The following OCA2 variants were observed in gnomAD, a reference collection of about 807,000 sequenced individuals.
OCA2 encodes the protein P protein.
Under a neutral mutation model 100.2 loss-of-function variants are expected in OCA2, and 77 were observed. The observed-to-expected ratio is 0.77, with a 90% CI of 0.64 to 0.93. OCA2 has a LOEUF of 0.93. OCA2 is among the 40% of genes least tolerant of loss of function. The pLI is 0.00. For missense variants in OCA2, 1,062 were observed against 1,089.1 expected, an observed-to-expected ratio of 0.98 and a Z score of 0.35; for synonymous variants, 432 against 439.2, an observed-to-expected ratio of 0.98 and a Z score of 0.21.
intron 23 of OCA2, among the ~76,000 whole-genome samples, chr15:27,789,991 G>GA (rs2033005302): frequency 1.3e-5 from 2 of 152,040 alleles, no homozygotes; most frequent in African/African-American, 4.8e-5. Flanking sequence ...TATACTATTA[G>GA]AAAAATGAAG....
downstream of OCA2, among the ~76,000 whole-genome samples, chr15:27,752,014 C>A (rs1179167118): frequency 6.6e-6 from 1 of 152,234 alleles, no homozygotes; most frequent in African/African-American, 2.4e-5. Context: ...TGGGCCCCAG[C>A]AGATCTGGAA....
Position 27,913,858 on chromosome 15 carries a change from A to G in OCA2, c.2079+12269T>C, listed in dbSNP as rs201109470. On this transcript the variant is annotated intron_variant, in intron 19 of 23. Coordinates refer to ENST00000354638, the MANE Select transcript of OCA2 (RefSeq NM_000275.3). ...AGAAAGGAAAGAAAGAAAGAAAGAA[A>G]GAAAGAAAGAAAGAAAGAAAGAAAG... Among the ~76,000 whole-genome samples, 244 of 44,772 alleles carry G rather than the reference A, an allele frequency of 5.4e-3. 20 individuals carry two copies. In the East Asian group the frequency reaches 0.32, roughly 59 times the overall value. The allele number at this position is 44,772 out of a possible 152,430, so 29.4% of individuals were successfully genotyped here. A position where few individuals can be genotyped will look rare whatever the true frequency, so the allele number is the denominator to read the frequency against.
At chr15:27,988,973 C>T (rs2041454253) in intron 11 of OCA2, among the ~76,000 whole-genome samples, 1 of 152,180 alleles carries the variant, frequency 6.6e-6, no homozygotes, top group Admixed American at 6.5e-5. Context: ...GTACACAGAG[C>T]AAGTCTTCTA....
At chr15:27,968,404 T>G (rs937216747) in intron 14 of OCA2, among the ~76,000 whole-genome samples, 3 of 152,164 alleles carry the variant, frequency 2.0e-5, no homozygotes, top group Non-Finnish European at 2.9e-5. Flanking sequence ...TTGGGACCCT[T>G]AGGAACCTCT....
chr15:27,771,695 ATTTTT>A (rs534942092), intron 23 of OCA2, among the ~76,000 whole-genome samples: 1 of 152,056 alleles, frequency 6.6e-6, no homozygotes, highest in African/African-American at 2.4e-5. Context: ...TGAAATCTGT[ATTTTT>A]TTTATCAGCA....
At chr15:27,956,298 G>A (rs943853636) in intron 16 of OCA2, among the ~76,000 whole-genome samples, 2 of 152,158 alleles carry the variant, frequency 1.3e-5, no homozygotes, top group Admixed American at 6.5e-5. Context: ...GCAGTGAGCC[G>A]AGATCATGCC....
At chr15:28,090,245 T>C (rs564060262) in intron 1 of OCA2, among the ~76,000 whole-genome samples, 10 of 152,358 alleles carry the variant, frequency 6.6e-5, no homozygotes, top group Non-Finnish European at 1.2e-4. Context: ...ATTTATAGTA[T>C]AGTTTTATAG....
At chr15:27,928,891 T>TAAA (rs1050580562) in intron 18 of OCA2, among the ~76,000 whole-genome samples, 26 of 152,312 alleles carry the variant, frequency 1.7e-4, no homozygotes, top group African/African-American at 6.3e-4. Context: ...GTTTATAACC[T>TAAA]AAATCCACCT....
intron 22 of OCA2, among the ~76,000 whole-genome samples, chr15:27,849,615 C>T (rs1485066669): frequency 6.6e-6 from 1 of 151,422 alleles, no homozygotes. Flanking sequence ...TTTCTAAAAC[C>T]AAATGAAAAC....
intron 19 of OCA2, among the ~76,000 whole-genome samples, chr15:27,921,302 T>C (rs2038849692): frequency 6.6e-6 from 1 of 152,090 alleles, no homozygotes; most frequent in Non-Finnish European, 1.5e-5. Flanking sequence ...GAATGACAGA[T>C]TTGGACTGGT....
At chr15:27,818,314 G>A (rs140609249) in intron 23 of OCA2, among the ~76,000 whole-genome samples, 2,860 of 152,232 alleles carry the variant, frequency 0.019, 74 homozygotes, top group African/African-American at 0.064. Flanking sequence ...GCTTGAACCC[G>A]GGAGGTGGAG....
At chr15:28,070,135 C>T (rs1321265422) in intron 2 of OCA2, among the ~76,000 whole-genome samples, 3 of 117,608 alleles carry the variant, frequency 2.6e-5, no homozygotes, top group East Asian at 3.0e-4. Context: ...CCGGCCGCCC[C>T]GTCTGAGAAG....
intron 2 of OCA2, among the ~76,000 whole-genome samples, chr15:28,066,854 C>G (rs2044039751): frequency 6.6e-6 from 1 of 152,142 alleles, no homozygotes; most frequent in Non-Finnish European, 1.5e-5. Context: ...TATCCTAATC[C>G]GGACATTCCT....
chr15:27,970,225 G>A (rs75807423), intron 14 of OCA2, among the ~76,000 whole-genome samples: 3,570 of 152,018 alleles, frequency 0.023, 152 homozygotes, highest in African/African-American at 0.082. Flanking sequence ...GATCTGAGAG[G>A]AGAAAAAGGT....
At chr15:27,752,815 C>A (rs940595363), downstream of OCA2, among the ~76,000 whole-genome samples, 2 of 84,044 alleles carry the variant, frequency 2.4e-5, no homozygotes, top group African/African-American at 3.7e-5. Context: ...CCCCCCCCCC[C>A]CAGAGGCCCA....
chr15:28,007,021 C>T (rs1394867921), intron 9 of OCA2, among the ~76,000 whole-genome samples: 2 of 152,194 alleles, frequency 1.3e-5, no homozygotes, highest in Non-Finnish European at 2.9e-5. Flanking sequence ...AAACACTACA[C>T]GAACTCCTAA....
At chr15:27,811,073 T>C (rs1271486801) in intron 23 of OCA2, among the ~76,000 whole-genome samples, 3 of 152,056 alleles carry the variant, frequency 2.0e-5, no homozygotes, top group Non-Finnish European at 4.4e-5. Flanking sequence ...CGTACATGCA[T>C]GTTTATGGCA....
intron 21 of OCA2, among the ~76,000 whole-genome samples, chr15:27,857,587 TA>T (rs1472896845): frequency 2.6e-5 from 4 of 151,940 alleles, no homozygotes; most frequent in Admixed American, 6.6e-5. Flanking sequence ...TACCACAATT[TA>T]AAAAAATAAA....
chr15:28,009,744 A>G (rs2042190188), intron 9 of OCA2, among the ~76,000 whole-genome samples: 1 of 151,368 alleles, frequency 6.6e-6, no homozygotes, highest in Non-Finnish European at 1.5e-5. Flanking sequence ...AACAAATTTA[A>G]AGGATTAAAT....
Sources: allele counts gnomAD v4.1 joint callset (sites outside exome capture counted in the v4.1 genomes callset), GRCh38; gene constraint gnomAD v4.1.1; transcripts MANE v1.5; gene names NCBI Gene and HGNC (gene_info 2026-07-23, HGNC 2026-07-21).